Variants in TLE4 observed in about 807,000 individuals in gnomAD.
The protein encoded by TLE4 is TLE family member 4, transcriptional corepressor, also known as transducin-like enhancer protein 4.
A neutral mutation model predicts 92.8 loss-of-function variants in TLE4; 8 were observed. The ratio of observed to expected loss-of-function variants is 0.09; its 90% CI spans 0.05 to 0.16. The LOEUF (loss-of-function observed/expected upper bound fraction) is 0.16. TLE4 is among the 10% of genes least tolerant of loss of function. The pLI is 1.00. For synonymous variants in TLE4, 371 were observed against 374.1 expected, an observed-to-expected ratio of 0.99 and a Z score of 0.10; for missense variants, 675 against 997.6, an observed-to-expected ratio of 0.68 and a Z score of 4.36.
At chr9:79,622,275 T>C (rs866576661) in intron 5 of TLE4, among the ~76,000 whole-genome samples, 2 of 152,214 alleles carry the variant, frequency 1.3e-5, no homozygotes, top group African/African-American at 2.4e-5. Context: ...ATGTGTCTTA[T>C]CATACCCAAG....
intron 4 of TLE4, among the ~76,000 whole-genome samples, chr9:79,580,885 T>C (rs142712448): frequency 1.9e-4 from 29 of 152,288 alleles, no homozygotes; most frequent in African/African-American, 6.5e-4. Context: ...AGGGCCTGAA[T>C]AGTGGGTAGA....
chr9:79,642,989 G>A (rs2057456217), intron 6 of TLE4, among the ~76,000 whole-genome samples: 1 of 152,186 alleles, frequency 6.6e-6, no homozygotes, highest in Non-Finnish European at 1.5e-5. Context: ...ATGAGTTACA[G>A]ATAAGCTTAG....
chr9:79,592,983 ATTAT>A (rs1156937393), intron 4 of TLE4, among the ~76,000 whole-genome samples: 2 of 152,214 alleles, frequency 1.3e-5, no homozygotes, highest in Non-Finnish European at 2.9e-5. Context: ...GTCAATGTGA[ATTAT>A]TTGTGTGTGG....
chr9:79,673,829 G>GCAATGGCAA (rs2062811931), intron 8 of TLE4, among the ~76,000 whole-genome samples: 1 of 152,130 alleles, frequency 6.6e-6, no homozygotes, highest in Non-Finnish European at 1.5e-5. Context: ...TCAAAATAGA[G>GCAATGGCAA]TAGATGGCCA....
At chr9:79,644,110 G>T (rs559341973) in intron 6 of TLE4, among the ~76,000 whole-genome samples, 1 of 152,130 alleles carries the variant, frequency 6.6e-6, no homozygotes, top group South Asian at 2.1e-4. Context: ...GAGGGATCTC[G>T]TGGGAGGTAA....
chr9:79,687,497 G>A lies in TLE4; in HGVS notation c.610-17286G>A, dbSNP rs148409933. On this transcript the variant is annotated intron_variant, in intron 8 of 19. Transcript: ENST00000376552. Reference sequence around the variant, plus strand: ...AATTTTGTAACATTCTTTTTTCCTCGTCTTTCATTTTTATAGAACTTAAGT... The same window carrying A: ...AATTTTGTAACATTCTTTTTTCCTCATCTTTCATTTTTATAGAACTTAAGT... Among the ~76,000 whole-genome samples, 441 of 151,966 alleles carry A rather than the reference G, an allele frequency of 2.9e-3. 1 individual carries two copies. The highest frequency in any genetic ancestry group is 0.01 in the African/African-American group (418 of 41,432).
intron 6 of TLE4, among the ~76,000 whole-genome samples, chr9:79,644,108 T>C (rs980852573): frequency 2.0e-5 from 3 of 152,158 alleles, no homozygotes; most frequent in Non-Finnish European, 4.4e-5. Context: ...GGGAGGGATC[T>C]CGTGGGAGGT....
At chr9:79,709,864 A>C (rs1022055689) in intron 14 of TLE4, among the ~76,000 whole-genome samples, 165 bp downstream of exon 14, 2 of 152,216 alleles carry the variant, frequency 1.3e-5, no homozygotes, top group Non-Finnish European at 2.9e-5. Context: ...GAAGAGAAGT[A>C]ATGAAGTGGG....
At chr9:79,722,030 T>C in intron 17 of TLE4, 142 bp downstream of exon 17, 1 of 1,261,134 alleles carries the variant, frequency 7.9e-7, no homozygotes, top group Non-Finnish European at 1.1e-6. Context: ...CTGGGCATGG[T>C]GGCATGTGCC....
chr9:79,602,942 G>A (rs1453593442), intron 4 of TLE4, among the ~76,000 whole-genome samples: 1 of 152,076 alleles, frequency 6.6e-6, no homozygotes, highest in Non-Finnish European at 1.5e-5. Context: ...TAAGAATTTG[G>A]AAGAAGTTGA....
chr9:79,701,703 C>A (rs1395781502), intron 8 of TLE4, among the ~76,000 whole-genome samples: 1 of 152,172 alleles, frequency 6.6e-6, no homozygotes, highest in African/African-American at 2.4e-5. Context: ...AGTGAATGGT[C>A]TCCCATGGAA....
intron 6 of TLE4, among the ~76,000 whole-genome samples, chr9:79,636,222 G>A (rs62569306): frequency 2.6e-5 from 4 of 152,042 alleles, no homozygotes; most frequent in African/African-American, 7.2e-5. Context: ...GACGCTACTC[G>A]GGAGGCTACT....
intron 8 of TLE4, among the ~76,000 whole-genome samples, chr9:79,687,862 G>T (rs1408219931): frequency 6.6e-6 from 1 of 152,204 alleles, no homozygotes; most frequent in Non-Finnish European, 1.5e-5. Context: ...TGAAGAGGTT[G>T]AGGTAGACAA....
intron 4 of TLE4, among the ~76,000 whole-genome samples, chr9:79,594,170 C>CA (rs1364754842): frequency 6.6e-6 from 1 of 152,194 alleles, no homozygotes; most frequent in Admixed American, 6.5e-5. Context: ...GCTCAAAATT[C>CA]AATGTGCATA....
At position 79,642,074 on chromosome 9, in the gene TLE4, T is replaced by G. The variant is rs188347369; in HGVS notation, c.391-10519T>G. 3.9e-5 allele frequency among the ~76,000 whole-genome samples: 6 copies of G among 152,074 alleles called. No homozygotes were observed. In the East Asian group the frequency reaches 9.7e-4, roughly 25 times the overall value. ...TATTCTATGTAGACACACACACATATGCACATAGACACACACACAGAAATT... is the reference window on the plus strand; with the variant it reads ...TATTCTATGTAGACACACACACATAGGCACATAGACACACACACAGAAATT... On this transcript the variant is annotated intron_variant, in intron 6 of 19. Coordinates refer to ENST00000376552, the MANE Select transcript of TLE4 (RefSeq NM_007005.6).
intron 6 of TLE4, among the ~76,000 whole-genome samples, chr9:79,640,681 T>C (rs1345135270): frequency 6.6e-6 from 1 of 152,164 alleles, no homozygotes; most frequent in East Asian, 1.9e-4. Context: ...CTCCTTCTGT[T>C]CTTTGCAACC....
intron 4 of TLE4, among the ~76,000 whole-genome samples, chr9:79,585,368 G>A (rs982693931): frequency 2.0e-5 from 3 of 152,162 alleles, no homozygotes. Flanking sequence ...AGGTCAGAAC[G>A]CTGGTATGAC....
intron 14 of TLE4, chr9:79,718,018 G>C: frequency 2.2e-6 from 1 of 456,650 alleles, no homozygotes; most frequent in Non-Finnish European, 4.4e-6. Flanking sequence ...TTTACCACCT[G>C]AGGGCTTTCC....
chr9:79,598,474 C>T (rs928937965), intron 4 of TLE4, among the ~76,000 whole-genome samples: 2 of 152,078 alleles, frequency 1.3e-5, no homozygotes, highest in Non-Finnish European at 2.9e-5. Flanking sequence ...TTTTCTCTGC[C>T]CCTTTCTCCT....
Sources: gnomAD v4.1 joint callset for allele counts (sites outside exome capture counted in the v4.1 genomes callset) on GRCh38, gnomAD v4.1.1 for gene constraint, MANE v1.5 for transcripts, NCBI Gene and HGNC (gene_info 2026-07-23, HGNC 2026-07-21) for gene names.